Variants in TBC1D14 observed in about 807,000 individuals in gnomAD.
TBC1D14 encodes the protein TBC1 domain family member 14, also known as TBC1 domain family, member 14.
A neutral mutation model predicts 79.0 loss-of-function variants in TBC1D14; 26 were observed. The ratio of observed to expected loss-of-function variants is 0.33; its 90% CI spans 0.24 to 0.46. TBC1D14 has a LOEUF of 0.46. TBC1D14 is among the 20% of genes least tolerant of loss of function. The probability of loss-of-function intolerance (pLI) is 1.00; values close to 1 mark genes in which losing one functional copy is unlikely to be tolerated. For missense variants in TBC1D14, 769 were observed against 887.6 expected, an observed-to-expected ratio of 0.87 and a Z score of 1.70; for synonymous variants, 394 against 349.9, an observed-to-expected ratio of 1.13 and a Z score of -1.40.
chr4:6,948,665 A>G (rs537719546), intron 2 of TBC1D14, among the ~76,000 whole-genome samples: 1 of 135,674 alleles, frequency 7.4e-6, no homozygotes, highest in East Asian at 2.2e-4. Flanking sequence ...TTGTCAGTTT[A>G]TTTTTCTTTT....
At chr4:6,989,808 T>C (rs544469835) in intron 3 of TBC1D14, among the ~76,000 whole-genome samples, 40 of 152,268 alleles carry the variant, frequency 2.6e-4, no homozygotes, top group African/African-American at 9.4e-4. Flanking sequence ...CCCTGCCTTT[T>C]TTCTTCAACC....
At chr4:6,935,094 C>G (rs1712179322) in intron 2 of TBC1D14, among the ~76,000 whole-genome samples, 1 of 152,110 alleles carries the variant, frequency 6.6e-6, no homozygotes, top group South Asian at 2.1e-4. Context: ...TGCATTCCAG[C>G]CTGGGTGACA....
At position 7,030,115 on chromosome 4, in the gene TBC1D14, A is replaced by G. The variant is rs144317990; in HGVS notation, c.2017-212A>G. Among the ~76,000 whole-genome samples, 5 of 152,308 alleles carry G rather than the reference A, an allele frequency of 3.3e-5. No homozygotes were observed. The East Asian group carries it at 9.7e-4, about 29-fold the overall frequency. On this transcript the variant is annotated intron_variant, in intron 13 of 13. Coordinates refer to ENST00000409757, the MANE Select transcript of TBC1D14 (RefSeq NM_020773.3). ...TTCTGTGGCCGGCTGGAAGGAGTGC[A>G]GCTAGCTCACCAGGCCAGAGAGGGC...
rs185634317 is a variant in TBC1D14 at position 6,980,356 on chromosome 4, A to C, written c.843+12932A>C. On this transcript the variant is annotated intron_variant, in intron 3 of 13. Coordinates refer to ENST00000409757, the MANE Select transcript of TBC1D14 (RefSeq NM_020773.3). ...AAAATATTTTGAAGCGAACGAGAAC[A>C]CAACATACCAAAATTTGTAGGTTGC... Among the ~76,000 whole-genome samples, 13 of 152,334 alleles carry C rather than the reference A, an allele frequency of 8.5e-5. 1 individual carries two copies. The East Asian group carries it at 2.5e-3, about 29-fold the overall frequency.
chr4:6,992,394 G>A (rs1718595630), intron 3 of TBC1D14, among the ~76,000 whole-genome samples: 1 of 152,232 alleles, frequency 6.6e-6, no homozygotes, highest in African/African-American at 2.4e-5. Flanking sequence ...CTGGCTGTAT[G>A]CTTCAGGCAA....
chr4:6,954,866 A>G (rs539895183), intron 2 of TBC1D14, among the ~76,000 whole-genome samples: 6 of 152,250 alleles, frequency 3.9e-5, no homozygotes, highest in Admixed American at 6.5e-5. Flanking sequence ...TGGCCTCCCA[A>G]AGTGCTGGGA....
At chr4:6,998,174 A>G (rs975014984) in intron 5 of TBC1D14, among the ~76,000 whole-genome samples, 2 of 152,086 alleles carry the variant, frequency 1.3e-5, no homozygotes, top group African/African-American at 4.8e-5. Context: ...AGCCTGGCCA[A>G]CATGGTAAAA....
At chr4:7,019,746 C>A (rs1314373555) in intron 12 of TBC1D14, among the ~76,000 whole-genome samples, 1 of 128,922 alleles carries the variant, frequency 7.8e-6, no homozygotes, top group African/African-American at 3.0e-5. Context: ...GGTATGTGAA[C>A]CCCGCTGGGC....
intron 1 of TBC1D14, among the ~76,000 whole-genome samples, chr4:6,917,894 G>C (rs1041497756): frequency 2.0e-5 from 3 of 152,216 alleles, no homozygotes; most frequent in Admixed American, 6.5e-5. Context: ...GGAAGTGCTT[G>C]AGGACAGGTC....
chr4:6,975,874 C>G (rs1184222885), intron 3 of TBC1D14, among the ~76,000 whole-genome samples: 3 of 152,120 alleles, frequency 2.0e-5, no homozygotes, highest in Non-Finnish European at 4.4e-5. Context: ...GGGTGGATCA[C>G]CTGAGCTCAG....
At chr4:6,929,545 A>C (rs1711539127) in intron 2 of TBC1D14, among the ~76,000 whole-genome samples, 1 of 152,078 alleles carries the variant, frequency 6.6e-6, no homozygotes. Flanking sequence ...GCTTGTGCAA[A>C]GTCATGGGGG....
intron 2 of TBC1D14, among the ~76,000 whole-genome samples, chr4:6,965,823 G>C (rs927202584): frequency 1.3e-5 from 2 of 152,204 alleles, no homozygotes; most frequent in African/African-American, 4.8e-5. Flanking sequence ...CGCTGGTGAT[G>C]TTAGCTTTGA....
chr4:6,954,067 G>C (rs1314197185), intron 2 of TBC1D14, among the ~76,000 whole-genome samples: 1 of 152,224 alleles, frequency 6.6e-6, no homozygotes, highest in Non-Finnish European at 1.5e-5. Context: ...TTGCTTCCCA[G>C]ACTTTGGGCT....
intron 12 of TBC1D14, among the ~76,000 whole-genome samples, chr4:7,023,841 C>T (rs923113524): frequency 2.0e-5 from 3 of 152,242 alleles, no homozygotes; most frequent in Non-Finnish European, 4.4e-5. Flanking sequence ...ACACAGCGCC[C>T]GGTGTGCGCC....
chr4:6,944,915 G>C (rs1487064814), intron 2 of TBC1D14, among the ~76,000 whole-genome samples: 1 of 152,170 alleles, frequency 6.6e-6, no homozygotes, highest in African/African-American at 2.4e-5. Flanking sequence ...TTAGTCCAGT[G>C]GTGTTTCAGG....
chr4:6,974,606 G>A (rs1716548116), intron 3 of TBC1D14, among the ~76,000 whole-genome samples: 1 of 152,196 alleles, frequency 6.6e-6, no homozygotes, highest in South Asian at 2.1e-4. Flanking sequence ...TCCAAAAAGC[G>A]CTTCAAAGGC....
chr4:7,011,750 G>A (rs1185577610), intron 11 of TBC1D14, among the ~76,000 whole-genome samples: 1 of 151,622 alleles, frequency 6.6e-6, no homozygotes, highest in African/African-American at 2.4e-5. Flanking sequence ...TAGAGATGGG[G>A]TTTTGCCATG....
chr4:7,014,640 T>A, intron 12 of TBC1D14, 83 bp downstream of exon 12: 1 of 960,576 alleles, frequency 1.0e-6, no homozygotes, highest in Non-Finnish European at 1.6e-6. Flanking sequence ...AACTTCTTCA[T>A]GGCCCGGCTG....
intron 3 of TBC1D14, among the ~76,000 whole-genome samples, chr4:6,993,083 C>G (rs1286808151): frequency 6.6e-6 from 1 of 152,178 alleles, no homozygotes; most frequent in African/African-American, 2.4e-5. Flanking sequence ...ACCAGTAACA[C>G]GCCTCTTGAC....
Sources: gnomAD v4.1 joint callset for allele counts (sites outside exome capture counted in the v4.1 genomes callset) on GRCh38, gnomAD v4.1.1 for gene constraint, MANE v1.5 for transcripts, NCBI Gene and HGNC (gene_info 2026-07-23, HGNC 2026-07-21) for gene names.